Variants in DDX60 observed in about 807,000 individuals in gnomAD.
DDX60 encodes the protein probable ATP-dependent RNA helicase DDX60.
Under a neutral mutation model 212.8 loss-of-function variants are expected in DDX60, and 165 were observed. The ratio of observed to expected loss-of-function variants is 0.78; its 90% CI spans 0.68 to 0.88. The LOEUF is 0.88. DDX60 is among the 40% of genes least tolerant of loss of function. The pLI, the probability that DDX60 is intolerant of heterozygous loss-of-function variation, is 0.00. For synonymous variants in DDX60, 703 were observed against 685.3 expected, an observed-to-expected ratio of 1.03 and a Z score of -0.40; for missense variants, 1,905 against 2,003.9, an observed-to-expected ratio of 0.95 and a Z score of 0.94.
intron 33 of DDX60, among the ~76,000 whole-genome samples, chr4:168,235,162 A>G (rs564688196): frequency 5.3e-5 from 8 of 151,940 alleles, no homozygotes; most frequent in African/African-American, 1.9e-4. Context: ...GACTTTAGGA[A>G]TTATTATCTA....
At chr4:168,315,700 G>C (rs981178113) in intron 1 of DDX60, among the ~76,000 whole-genome samples, 7 of 152,180 alleles carry the variant, frequency 4.6e-5, no homozygotes, top group African/African-American at 1.7e-4. Context: ...TCCTGTGTTA[G>C]TTTGCTGAGA....
At chr4:168,315,616 C>T (rs1737334007) in intron 1 of DDX60, among the ~76,000 whole-genome samples, 1 of 152,158 alleles carries the variant, frequency 6.6e-6, no homozygotes, top group African/African-American at 2.4e-5. Context: ...GTGAGGTTCC[C>T]CTCCCTGTGT....
intron 6 of DDX60, among the ~76,000 whole-genome samples, chr4:168,299,157 CAAAAAAAAAAA>C (rs1197872492): frequency 1.6e-5 from 1 of 61,924 alleles, no homozygotes; most frequent in Non-Finnish European, 2.9e-5. Flanking sequence ...GAGACTGTCT[CAAAAAAAAAAA>C]AAAAAAAAAA....
chr4:168,238,422 GGGAAGGGAA>G (rs1733713554), intron 30 of DDX60, among the ~76,000 whole-genome samples: 1 of 1,118 alleles, frequency 8.9e-4, no homozygotes, highest in South Asian at 0.062. Flanking sequence ...GGAGAGGGGA[GGGAAGGGAA>G]GGGAAGGGAA....
intron 5 of DDX60, among the ~76,000 whole-genome samples, chr4:168,305,455 T>A (rs1736834254): frequency 6.6e-6 from 1 of 152,074 alleles, no homozygotes; most frequent in African/African-American, 2.4e-5. Context: ...CAATTCACCA[T>A]CAGTAGTGAA....
intron 25 of DDX60, among the ~76,000 whole-genome samples, chr4:168,259,418 A>G (rs1455388311): frequency 1.3e-5 from 2 of 152,160 alleles, no homozygotes; most frequent in African/African-American, 4.8e-5. Context: ...CCTTATCCCA[A>G]CAACAAAGAT....
At chr4:168,325,377 T>C in the DDX60 span, among the ~76,000 whole-genome samples, 17 of 152,240 alleles carry the variant, frequency 1.1e-4, no homozygotes, top group Admixed American at 1.1e-3. Flanking sequence ...TTTTTATTTT[T>C]TACAAAGAGA....
At chr4:168,249,224 T>TC (rs1247011906) in intron 28 of DDX60, among the ~76,000 whole-genome samples, 1 of 152,062 alleles carries the variant, frequency 6.6e-6, no homozygotes, top group Non-Finnish European at 1.5e-5. Context: ...AAGTTGTCTT[T>TC]CCCCCCTAAA....
intron 23 of DDX60, among the ~76,000 whole-genome samples, chr4:168,262,470 A>G (rs1403327492): frequency 6.6e-6 from 1 of 152,152 alleles, no homozygotes; most frequent in Non-Finnish European, 1.5e-5. Context: ...CAAAAAAAAA[A>G]AAGAAGAAAT....
chr4:168,290,615 G>C (rs823284), intron 8 of DDX60, among the ~76,000 whole-genome samples: 138,957 of 152,140 alleles, frequency 0.91, 63,714 homozygotes, highest in East Asian at 1. Flanking sequence ...CTTGGCCTCC[G>C]AAAGTTCTGG....
intron 13 of DDX60, among the ~76,000 whole-genome samples, chr4:168,282,600 T>C (rs894248223): frequency 2.0e-4 from 31 of 152,192 alleles, no homozygotes; most frequent in African/African-American, 7.2e-4. Context: ...ACTAAAACCT[T>C]TCATCTTGAG....
intron 33 of DDX60, among the ~76,000 whole-genome samples, chr4:168,232,115 TA>T (rs1316082898): frequency 6.6e-6 from 1 of 151,898 alleles, no homozygotes; most frequent in Non-Finnish European, 1.5e-5. Context: ...CCTTTTACAA[TA>T]GCTGCAAATA....
At chr4:168,253,778 G>A (rs932478151) in intron 26 of DDX60, among the ~76,000 whole-genome samples, 2 of 152,058 alleles carry the variant, frequency 1.3e-5, no homozygotes, top group Non-Finnish European at 2.9e-5. Context: ...TATGCTACTA[G>A]GAATCTACCT....
chr4:168,315,687 T>A (rs377075384), intron 1 of DDX60, among the ~76,000 whole-genome samples: 22 of 152,374 alleles, frequency 1.4e-4, no homozygotes, highest in African/African-American at 5.3e-4. Flanking sequence ...TTTGGTTTTC[T>A]GTTCCTGTGT....
chr4:168,274,524 G>A (rs1735244913), intron 16 of DDX60, among the ~76,000 whole-genome samples: 2 of 152,150 alleles, frequency 1.3e-5, no homozygotes, highest in Middle Eastern at 3.2e-3. Flanking sequence ...GCCGAAGAAT[G>A]TTGACTAGCC....
intron 26 of DDX60, among the ~76,000 whole-genome samples, chr4:168,253,062 C>A (rs1409845175): frequency 6.6e-6 from 1 of 152,180 alleles, no homozygotes; most frequent in Non-Finnish European, 1.5e-5. Flanking sequence ...CTCGGCCTCC[C>A]AAAGTGCTGG....
rs143007400 is a variant in DDX60, at chr4:168,267,907, C to T, written c.2863G>A (p.Val955Met). The T allele has an allele frequency of 8.7e-5, 141 of 1,613,438 alleles. 1 individual carries two copies. In the African/African-American group the frequency reaches 1.5e-3, roughly 17 times the overall value. ...IENNTASKRH[V>M]GRQAGFPKDY... Reference sequence around the variant, plus strand: ...TTGGGAAAGCCGGCCTGACGACCCACATGTCTTTTAGAAGCGGTATTATTT... The same window carrying T: ...TTGGGAAAGCCGGCCTGACGACCCATATGTCTTTTAGAAGCGGTATTATTT... Residue 955 changes from valine (V) to methionine (M), a missense_variant, in exon 21 of 38, where the codon GTG (valine) becomes ATG (methionine). Coordinates refer to ENST00000393743, the MANE Select transcript of DDX60 (RefSeq NM_017631.6).
At chr4:168,266,059 A>G (rs1279452383) in intron 22 of DDX60, among the ~76,000 whole-genome samples, 1 of 152,194 alleles carries the variant, frequency 6.6e-6, no homozygotes, top group East Asian at 1.9e-4. Context: ...AAGTTCCCAT[A>G]ACAAAATCCT....
At chr4:168,300,466 G>C (rs183583141) in intron 6 of DDX60, among the ~76,000 whole-genome samples, 195 of 152,100 alleles carry the variant, frequency 1.3e-3, no homozygotes, top group Non-Finnish European at 2.1e-3. Flanking sequence ...CTTGAACCTG[G>C]GAGGTGGATG....
Sources: gnomAD v4.1 joint callset for allele counts (sites outside exome capture counted in the v4.1 genomes callset) on GRCh38, gnomAD v4.1.1 for gene constraint, MANE v1.5 for transcripts, NCBI Gene and HGNC (gene_info 2026-07-23, HGNC 2026-07-21) for gene names.